The following KIRREL3 variants were observed in gnomAD, a reference collection of about 807,000 sequenced individuals.
KIRREL3 encodes the protein kirre like nephrin family adhesion molecule 3.
KIRREL3 carries 36 observed loss-of-function variants against 89.7 expected under a neutral mutation model. The ratio of observed to expected loss-of-function variants is 0.40; its 90% CI spans 0.31 to 0.53. The LOEUF (loss-of-function observed/expected upper bound fraction) is 0.53. Ranked by LOEUF, KIRREL3 falls within the 20% of genes least tolerant of loss-of-function variation. The pLI, the probability that KIRREL3 is intolerant of heterozygous loss-of-function variation, is 0.49. For missense variants in KIRREL3, 864 were observed against 1,056.6 expected (o/e 0.82, Z 2.53); for synonymous variants, 445 against 441.4 (o/e 1.01, Z -0.10).
chr11:126,621,094 A>C (rs1324001959), intron 1 of KIRREL3, among the ~76,000 whole-genome samples: 1 of 152,186 alleles, frequency 6.6e-6, no homozygotes, highest in Non-Finnish European at 1.5e-5. Context: ...TGGCACCTTC[A>C]TCAGGGTTTA....
In KIRREL3 at chr11:126,761,523, A is replaced by T. The variant is rs1303974531; in HGVS notation, c.56-198611T>A. The stretch of plus-strand genomic sequence containing the variant: ...TGGTTAACAGTTGACAGTGCAATGT[A>T]AATGCTGGGAAGTGTCAAGATTAGT... On this transcript the variant is annotated intron_variant, in intron 1 of 16. Transcript: ENST00000525144. The surrounding 1 kb of genome is among the most constrained non-coding windows in gnomAD (Gnocchi z 4.4). Among the ~76,000 whole-genome samples the T allele has an allele frequency of 6.6e-6, 1 of 152,256 alleles. No homozygotes were observed. Among genetic ancestry groups the T allele is most frequent in the Non-Finnish European group, 1.5e-5 (1 of 68,042 alleles).
chr11:126,670,434 T>A (rs1945884409), intron 1 of KIRREL3, among the ~76,000 whole-genome samples: 1 of 152,210 alleles, frequency 6.6e-6, no homozygotes, highest in Admixed American at 6.5e-5. Context: ...TTGACCACTG[T>A]ACTGGAAGTC....
At chr11:126,700,085 A>G (rs144339108) in intron 1 of KIRREL3, among the ~76,000 whole-genome samples, 1 of 151,974 alleles carries the variant, frequency 6.6e-6, no homozygotes, top group Non-Finnish European at 1.5e-5. Flanking sequence ...TCCCAGCTAC[A>G]TGGGAGGTTG....
rs1027436692 is a variant in KIRREL3 at position 126,653,556 on chromosome 11, G to A, written c.56-90644C>T. On this transcript the variant is annotated intron_variant, in intron 1 of 16. Coordinates refer to ENST00000525144, the MANE Select transcript of KIRREL3 (RefSeq NM_032531.4). This position sits in a 1 kb window ranked among gnomAD's most constrained non-coding sequence, Gnocchi z 5.4. ...ACACCAGATACGGAATGAGAAAAAA[G>A]CGGCACCGGAAGTGGCATTTTGCAA... Among the ~76,000 whole-genome samples, 2 of 152,182 alleles carry A rather than the reference G, an allele frequency of 1.3e-5. No homozygotes were observed. Among genetic ancestry groups the A allele is most frequent in the Non-Finnish European group, 1.5e-5 (1 of 68,032 alleles).
chr11:126,466,422 G>A (rs1260715053), intron 5 of KIRREL3, among the ~76,000 whole-genome samples: 1 of 152,226 alleles, frequency 6.6e-6, no homozygotes, highest in Non-Finnish European at 1.5e-5. Flanking sequence ...GGCTGGGTCT[G>A]CCAGCTCTGC....
intron 5 of KIRREL3, among the ~76,000 whole-genome samples, chr11:126,472,583 G>A (rs961884695): frequency 2.0e-5 from 3 of 152,090 alleles, no homozygotes; most frequent in African/African-American, 4.8e-5. Context: ...CATTCAGACC[G>A]TGATTGCATC....
At chr11:126,613,114 C>A (rs977768737) in intron 1 of KIRREL3, among the ~76,000 whole-genome samples, 5 of 152,066 alleles carry the variant, frequency 3.3e-5, no homozygotes, top group Non-Finnish European at 7.4e-5. Flanking sequence ...AATTTAGTGT[C>A]CACCCCCTTA....
chr11:126,460,431 G>A (rs1275400669), intron 6 of KIRREL3, among the ~76,000 whole-genome samples: 2 of 152,138 alleles, frequency 1.3e-5, no homozygotes, highest in African/African-American at 2.4e-5. Context: ...GGAAATCGGG[G>A]CACAAGGAGG....
Position 126,594,336 on chromosome 11 carries a change from C to T in KIRREL3, c.56-31424G>A, listed in dbSNP as rs1016854221. Among the ~76,000 whole-genome samples, 8 of 152,088 alleles carry T rather than the reference C, an allele frequency of 5.3e-5. No homozygotes were observed. The highest frequency in any genetic ancestry group is 1.7e-4 in the African/African-American group (7 of 41,402). On this transcript the variant is annotated intron_variant, in intron 1 of 16. Transcript: ENST00000525144. This position sits in a 1 kb window ranked among gnomAD's most constrained non-coding sequence, Gnocchi z 5.0. ...TTTGTTGTTGCTATGGTCCTTTCTACCTGGATGAATTCCATCTCCCTCACT... is the reference window on the plus strand; with the variant it reads ...TTTGTTGTTGCTATGGTCCTTTCTATCTGGATGAATTCCATCTCCCTCACT...
Position 126,708,622 on chromosome 11 carries a change from G to A in KIRREL3, c.56-145710C>T, listed in dbSNP as rs1306232503. 9.2e-5 allele frequency among the ~76,000 whole-genome samples: 14 copies of A among 152,288 alleles called. No individual in the cohort carries two copies. The East Asian group carries it at 2.7e-3, about 29-fold the overall frequency. The stretch of plus-strand genomic sequence containing the variant: ...AGGGCGTTCGGCTCAACGTCCAGGA[G>A]AGGCACCGGCGAACTCGAGAGCCAA... On this transcript the variant is annotated intron_variant, in intron 1 of 16. Coordinates refer to ENST00000525144, the MANE Select transcript of KIRREL3 (RefSeq NM_032531.4). This position sits in a 1 kb window ranked among gnomAD's most constrained non-coding sequence, Gnocchi z 5.7.
rs531326402 is a variant in KIRREL3, at chr11:126,725,685, C to T, written c.56-162773G>A. Among the ~76,000 whole-genome samples the T allele has an allele frequency of 3.9e-5, 6 of 152,266 alleles. No homozygotes were observed. In the East Asian group the frequency reaches 9.7e-4, roughly 25 times the overall value. ...ACTGCTGCAGGCTGGACCCTGAGCC[C>T]GCTCTGCCCTCGCTGCAAGGCTGCT... On this transcript the variant is annotated intron_variant, in intron 1 of 16. Transcript: ENST00000525144.
At chr11:126,695,977 G>A (rs1358852580) in intron 1 of KIRREL3, among the ~76,000 whole-genome samples, 1 of 152,168 alleles carries the variant, frequency 6.6e-6, no homozygotes, top group Non-Finnish European at 1.5e-5. Context: ...GGATGAGTCG[G>A]GCGAGGTGGC....
chr11:126,856,579 A>G (rs867891398), intron 1 of KIRREL3, among the ~76,000 whole-genome samples: 18 of 118,778 alleles, frequency 1.5e-4, no homozygotes, highest in African/African-American at 4.4e-4. Context: ...ATATATATAT[A>G]TATATATATA....
At chr11:126,937,692 G>A (rs1232617295) in intron 1 of KIRREL3, among the ~76,000 whole-genome samples, 4 of 152,138 alleles carry the variant, frequency 2.6e-5, no homozygotes, top group Admixed American at 2.0e-4. Flanking sequence ...GAGGTCAGGA[G>A]ATCAAGACCA....
At position 126,607,017 on chromosome 11, in the gene KIRREL3, C is replaced by A. The variant is rs1218509460; in HGVS notation, c.56-44105G>T. 6.6e-6 allele frequency among the ~76,000 whole-genome samples: 1 copy of A among 152,140 alleles called. No individual in the cohort carries two copies. The highest frequency in any genetic ancestry group is 1.5e-5 in the Non-Finnish European group (1 of 68,024). On this transcript the variant is annotated intron_variant, in intron 1 of 16. Coordinates refer to ENST00000525144, the MANE Select transcript of KIRREL3 (RefSeq NM_032531.4). The surrounding 1 kb of genome is among the most constrained non-coding windows in gnomAD (Gnocchi z 6.6). ...CGGGTATTCCAGGGTTTTTAAATTG[C>A]ATGCCACATGTTTATCCTTATTAAG... is the stretch of plus-strand genomic sequence containing the variant.
intron 1 of KIRREL3, among the ~76,000 whole-genome samples, chr11:126,617,520 A>C (rs1453740821): frequency 2.0e-5 from 3 of 152,264 alleles, no homozygotes; most frequent in Non-Finnish European, 4.4e-5. Flanking sequence ...AGGAAAAGAA[A>C]TATATGCCCT....
chr11:126,848,336 T>C (rs1282124538), intron 1 of KIRREL3, among the ~76,000 whole-genome samples: 2 of 152,240 alleles, frequency 1.3e-5, no homozygotes, highest in African/African-American at 4.8e-5. Context: ...CACCATGATT[T>C]GTCTTTAGTG....
intron 1 of KIRREL3, among the ~76,000 whole-genome samples, chr11:126,584,152 G>A (rs1428268813): frequency 6.6e-6 from 1 of 152,170 alleles, no homozygotes; most frequent in Non-Finnish European, 1.5e-5. Flanking sequence ...AGTGGCAGCA[G>A]CCAGGGCACC....
rs1216376902 is a variant in KIRREL3, at chr11:126,558,917, TTGTG to T, written c.133+3914_133+3917del. ...ATACATATGCATGCAGGTGTGTGCA[TTGTG>T]TGTGTATGTGTGTGTGCATGCTCAT... is the stretch of plus-strand genomic sequence containing the variant. On this transcript the variant is annotated intron_variant, in intron 2 of 16. Transcript: ENST00000525144. This position sits in a 1 kb window ranked among gnomAD's most constrained non-coding sequence, Gnocchi z 4.0. 6.6e-6 allele frequency among the ~76,000 whole-genome samples: 1 copy of T among 151,856 alleles called. No individual in the cohort carries two copies. Among genetic ancestry groups the T allele is most frequent in the African/African-American group, 2.4e-5 (1 of 41,342 alleles).
Sources: gnomAD v4.1 joint callset for allele counts (sites outside exome capture counted in the v4.1 genomes callset) on GRCh38, gnomAD v4.1.1 for gene constraint, Gnocchi (gnomAD v3.1) non-coding constraint, MANE v1.5 for transcripts, NCBI Gene and HGNC (gene_info 2026-07-23, HGNC 2026-07-21) for gene names.